The following MMP12 variants were observed in gnomAD, a reference collection of about 807,000 sequenced individuals.
MMP12 encodes the protein macrophage metalloelastase.
Under a neutral mutation model 45.2 loss-of-function variants are expected in MMP12, and 51 were observed. The observed-to-expected ratio is 1.13, with a 90% confidence interval of 0.90 to 1.42. MMP12 has a LOEUF of 1.42. Ranked by LOEUF, MMP12 falls within the 40% of genes most tolerant of loss-of-function variation. The pLI, the probability that MMP12 is intolerant of heterozygous loss-of-function variation, is 0.00. For missense variants in MMP12, 530 were observed against 570.8 expected, an observed-to-expected ratio of 0.93 and a Z score of 0.73; for synonymous variants, 210 against 193.3, an observed-to-expected ratio of 1.09 and a Z score of -0.72.
intron 1 of MMP12, among the ~76,000 whole-genome samples, chr11:102,873,646 A>T (rs1859542280): frequency 6.6e-6 from 1 of 152,180 alleles, no homozygotes; most frequent in Non-Finnish European, 1.5e-5. Context: ...GACATGTCAT[A>T]AACTATTAGC....
In MMP12 at chr11:102,871,563, T is replaced by TTTTG. The variant is rs782304013; in HGVS notation, c.625+27_625+30dup. The TTTTG allele has an allele frequency of 9.4e-5, 146 of 1,546,598 alleles. 1 individual carries two copies. The highest frequency in any genetic ancestry group is 4.0e-4 in the African/African-American group (29 of 73,002). Reference sequence around the variant, plus strand: ...GTTTTCCTTTCCTGTTTGCTTAGTTTTTTGTTTGTTTGTTTGTTTGTTTTG... The same window carrying TTTTG: ...GTTTTCCTTTCCTGTTTGCTTAGTTTTTTGTTTGTTTGTTTGTTTGTTTGTTTTG... On this transcript the variant is annotated intron_variant, in intron 4 of 9. Coordinates refer to ENST00000571244, the MANE Select transcript of MMP12 (RefSeq NM_002426.6).
intron 1 of MMP12, 86 bp from the exon 2 acceptor site, chr11:102,873,198 C>T (rs1859534239): frequency 1.7e-6 from 2 of 1,191,874 alleles, no homozygotes; most frequent in African/African-American, 1.5e-5. Context: ...CAATTGCACA[C>T]TGATGCTTTT....
chr11:102,867,230 C>A (rs1555008668), intron 6 of MMP12, 40 bp downstream of exon 6: 5 of 1,491,058 alleles, frequency 3.4e-6, no homozygotes, highest in Middle Eastern at 1.8e-4. Flanking sequence ...AATTTAAAGG[C>A]AGAAACTTTA....
At chr11:102,867,568 A>T (rs1252050475) in intron 5 of MMP12, among the ~76,000 whole-genome samples, 175 bp from the exon 6 acceptor site, 2 of 152,218 alleles carry the variant, frequency 1.3e-5, no homozygotes, top group East Asian at 1.9e-4. Context: ...ACATGGTTGC[A>T]ATATCATGGA....
At chr11:102,873,613 A>C (rs1859541370) in intron 1 of MMP12, among the ~76,000 whole-genome samples, 1 of 152,140 alleles carries the variant, frequency 6.6e-6, no homozygotes, top group African/African-American at 2.4e-5. Context: ...AAAAAGAAAA[A>C]CAAAAACAAA....
chr11:102,872,986 C>T lies in MMP12; in HGVS notation c.229G>A (p.Gly77Arg), dbSNP rs373941993. ...MQHFLGLKVT[G>R]QLDTSTLEMM... Reference sequence around the variant, plus strand: ...TCCAGGGTAGATGTGTCCAGTTGCCCGGTCACTTTCAGACCCAAGAAGTGC... The same window carrying T: ...TCCAGGGTAGATGTGTCCAGTTGCCTGGTCACTTTCAGACCCAAGAAGTGC... Residue 77 changes from glycine (G) to arginine (R), a missense_variant, in exon 2 of 10, where the codon GGG becomes AGG. Physicochemically the swap from Gly to Arg is moderately radical, Grantham distance 125. Coordinates refer to ENST00000571244, the MANE Select transcript of MMP12 (RefSeq NM_002426.6). 10 of 1,613,412 alleles carry T rather than the reference C, an allele frequency of 6.2e-6. No individual in the cohort carries two copies. The highest frequency in any genetic ancestry group is 1.3e-5 in the African/African-American group (1 of 74,888).
In MMP12 at chr11:102,863,119, T is replaced by C. The variant is rs1232725278; in HGVS notation, c.1394A>G (p.Asn465Ser). 1 of 1,609,708 alleles carries C rather than the reference T, an allele frequency of 6.2e-7. No homozygotes were observed. Among genetic ancestry groups the C allele is most frequent in the South Asian group, 1.1e-5 (1 of 90,308 alleles). The stretch of plus-strand genomic sequence containing the variant: ...CCATTTCTAACAACCAAACCAGCTA[T>C]TGCTTTTCAGTGTTTTGGTGATACG... Reference protein sequence around the residue: ...LQRITKTLKSNSWFGC With the variant: ...LQRITKTLKSSSWFGC The change falls in exon 10 of 10, where the codon AAT becomes AGT. Residue 465 changes from asparagine (N) to serine (S), a missense_variant. By Grantham distance (46) the Asn-to-Ser change is conservative (BLOSUM62 1). Coordinates refer to ENST00000571244, the MANE Select transcript of MMP12 (RefSeq NM_002426.6).
At chr11:102,864,022 C>T (rs549569643) in intron 9 of MMP12, 124 bp downstream of exon 9, 24 of 712,964 alleles carry the variant, frequency 3.4e-5, no homozygotes, top group Non-Finnish European at 5.5e-5. Context: ...TTTTTCCTTG[C>T]GGCCCTATGG....
intron 1 of MMP12, among the ~76,000 whole-genome samples, chr11:102,874,452 A>G (rs1246945214): frequency 2.0e-5 from 3 of 152,234 alleles, no homozygotes; most frequent in African/African-American, 7.2e-5. Context: ...TGCTTAAATT[A>G]TCATGGCAGC....
Position 102,872,958 on chromosome 11 carries a change from A to G in MMP12, c.257T>C (p.Met86Thr). ...TGQLDTSTLE[M>T]MHAPRCGVPD... ...GACTCCACATCGAGGTGCGTGCATC[A>G]TCTCCAGGGTAGATGTGTCCAGTTG... Residue 86 changes from methionine to threonine, a missense_variant, in exon 2 of 10, where the codon ATG becomes ACG. Physicochemically the swap from Met to Thr is moderately conservative, Grantham distance 81. Coordinates refer to ENST00000571244, the MANE Select transcript of MMP12 (RefSeq NM_002426.6). 6.2e-7 allele frequency: 1 copy of G among 1,613,742 alleles called. No individual in the cohort carries two copies. The highest frequency in any genetic ancestry group is 8.5e-7 in the Non-Finnish European group (1 of 1,179,786).
intron 4 of MMP12, among the ~76,000 whole-genome samples, chr11:102,869,775 G>A (rs1022883843): frequency 1.5e-4 from 23 of 151,962 alleles, no homozygotes; most frequent in Middle Eastern, 3.4e-3. Flanking sequence ...TTAGCAGGGC[G>A]TGGTGGCCAG....
At position 102,865,706 on chromosome 11, in the gene MMP12, C is replaced by T. The variant is rs782115254; in HGVS notation, c.1205+70G>A. 5 of 1,348,780 alleles carry T rather than the reference C, an allele frequency of 3.7e-6. No individual in the cohort carries two copies. Among genetic ancestry groups the T allele is most frequent in the Non-Finnish European group, 4.0e-6 (4 of 1,001,618 alleles). 83.6% of individuals were successfully genotyped at this position (1,348,780 alleles called of 1,614,324 possible). On this transcript the variant is annotated intron_variant, in intron 8 of 9. Transcript: ENST00000571244. This position sits in a 1 kb window ranked among gnomAD's most constrained non-coding sequence, Gnocchi z 4.1. ...TTGGGAATTTGCGCAGAAAATGTGCCTTCTAGAAAGCCTCATTCCATATCT... is the reference window on the plus strand; with the variant it reads ...TTGGGAATTTGCGCAGAAAATGTGCTTTCTAGAAAGCCTCATTCCATATCT...
Position 102,871,622 on chromosome 11 carries a change from C to T in MMP12, c.597G>A (p.Glu199=), listed in dbSNP as rs782637764. ...SGIGGDAHFD[E]DEFWTTHSGG... is the part of the protein sequence containing the mutation. Reference sequence around the variant, plus strand: ...CTGAATGTGTAGTCCAGAATTCGTCCTCATCGAAATGTGCATCCCCTCCAA... The same window carrying T: ...CTGAATGTGTAGTCCAGAATTCGTCTTCATCGAAATGTGCATCCCCTCCAA... The change falls in exon 4 of 10, where the codon GAG becomes GAA. Residue 199 remains glutamate, a synonymous_variant. Transcript: ENST00000571244. 6.4e-7 allele frequency: 1 copy of T among 1,560,332 alleles called. No individual in the cohort carries two copies. Among genetic ancestry groups the T allele is most frequent in the Non-Finnish European group, 8.7e-7 (1 of 1,151,260 alleles).
In MMP12 at chr11:102,864,162, G is replaced by C. The variant is rs781999909; in HGVS notation, c.1296C>G (p.Val432=). 1 of 1,610,582 alleles carries C rather than the reference G, an allele frequency of 6.2e-7. No homozygotes were observed. Among genetic ancestry groups the C allele is most frequent in the Non-Finnish European group, 8.5e-7 (1 of 1,176,922 alleles). Reference sequence around the variant, plus strand: ...TCTACTTACTGTTTTTAGAGTAGAAGACTGCATCAATTTTAGGCCCGATTC... The same window carrying C: ...TCTACTTACTGTTTTTAGAGTAGAACACTGCATCAATTTTAGGCCCGATTC... The part of the protein sequence containing the change: ...FQGIGPKIDA[V]FYSKNKYYYF... Residue 432 remains valine (V), a synonymous_variant, in exon 9 of 10, where the codon GTC becomes GTG. Transcript: ENST00000571244.
Position 102,867,385 on chromosome 11 carries a change from T to C in MMP12, c.796A>G (p.Lys266Glu). Residue 266 changes from lysine (K) to glutamate (E), a missense_variant, in exon 6 of 10, where the codon AAA becomes GAA. Transcript: ENST00000571244. ...RGIQSLYGDP[K>E]ENQRLPNPDN... is the part of the protein sequence containing the mutation. ...GGATTTGGCAAGCGTTGGTTCTCTT[T>C]TGGGTCTCCTGAAAATACATTTCGA... 3.1e-6 allele frequency: 5 copies of C among 1,606,668 alleles called. No homozygotes were observed. The highest frequency in any genetic ancestry group is 4.2e-6 in the Non-Finnish European group (5 of 1,177,564).
At chr11:102,873,996 T>C (rs1859548221) in intron 1 of MMP12, among the ~76,000 whole-genome samples, 1 of 141,778 alleles carries the variant, frequency 7.1e-6, no homozygotes, top group Non-Finnish European at 1.5e-5. Context: ...GCCACTGCAC[T>C]GTAGCCTGGG....
In MMP12 at chr11:102,871,662, C is replaced by T. The variant is rs2134423230; in HGVS notation, c.557G>A (p.Gly186Glu). ...ATCCCCTCCAATGCCAGATCCAGGT[C>T]CAAAAGCATGGGCTAGGATTCCACC... The part of the protein sequence containing the change: ...GKGGILAHAF[G>E]PGSGIGGDAH... The change falls in exon 4 of 10, where the codon GGA (glycine) becomes GAA (glutamate). Residue 186 changes from glycine to glutamate, a missense_variant. Physicochemically the swap from Gly to Glu is moderately conservative, Grantham distance 98. Coordinates refer to ENST00000571244, the MANE Select transcript of MMP12 (RefSeq NM_002426.6). 1.3e-6 allele frequency: 2 copies of T among 1,594,410 alleles called. No individual in the cohort carries two copies. The highest frequency in any genetic ancestry group is 1.1e-5 in the South Asian group (1 of 87,814).
chr11:102,864,107 G>T, intron 9 of MMP12, 39 bp downstream of exon 9: 1 of 1,391,672 alleles, frequency 7.2e-7, no homozygotes, highest in Non-Finnish European at 1.0e-6. Context: ...GCTTTGAAAT[G>T]TTATTTCCAG....
In MMP12 at chr11:102,872,987, G is replaced by C; in HGVS notation, c.228C>G (p.Thr76=). 6.2e-7 allele frequency: 1 copy of C among 1,613,398 alleles called. No individual in the cohort carries two copies. The highest frequency in any genetic ancestry group is 8.5e-7 in the Non-Finnish European group (1 of 1,179,672). Residue 76 remains threonine (T), a synonymous_variant, in exon 2 of 10, where the codon ACC becomes ACG. Transcript: ENST00000571244. ...CCAGGGTAGATGTGTCCAGTTGCCC[G>C]GTCACTTTCAGACCCAAGAAGTGCT... is the stretch of plus-strand genomic sequence containing the variant. ...EMQHFLGLKV[T]GQLDTSTLEM... is the part of the protein sequence containing the mutation.
Sources: allele counts gnomAD v4.1 joint callset (sites outside exome capture counted in the v4.1 genomes callset), GRCh38; gene constraint gnomAD v4.1.1; non-coding constraint Gnocchi (gnomAD v3.1); transcripts MANE v1.5; gene names NCBI Gene and HGNC (gene_info 2026-07-23, HGNC 2026-07-21).